The following MSRA variants were observed in gnomAD, a reference collection of about 807,000 sequenced individuals.
The protein encoded by MSRA is methionine sulfoxide reductase A.
A neutral mutation model predicts 31.3 loss-of-function variants in MSRA; 54 were observed. The observed-to-expected ratio is 1.73, with a 90% CI of 1.39 to 2.17. The LOEUF (loss-of-function observed/expected upper bound fraction) is 2.17. Among genes scored for constraint, MSRA ranks in the 30% most tolerant of loss-of-function variants. The pLI, the probability that MSRA is intolerant of heterozygous loss-of-function variation, is 0.00. For missense variants in MSRA, 507 were observed against 300.9 expected (o/e 1.69, Z -5.07); for synonymous variants, 169 against 116.5 (o/e 1.45, Z -2.90).
At chr8:10,137,816 T>TATATAG (rs1802399581) in intron 1 of MSRA, among the ~76,000 whole-genome samples, 1 of 152,188 alleles carries the variant, frequency 6.6e-6, no homozygotes, top group East Asian at 1.9e-4. Flanking sequence ...ATACGTTAAT[T>TATATAG]ATATAGCTAT....
chr8:10,196,637 C>T (rs1205010316), intron 1 of MSRA, among the ~76,000 whole-genome samples: 1 of 152,142 alleles, frequency 6.6e-6, no homozygotes, highest in Non-Finnish European at 1.5e-5. Context: ...GCAACCTCTG[C>T]CTCCTGGCTT....
At chr8:10,179,955 G>T (rs1444874265) in intron 1 of MSRA, among the ~76,000 whole-genome samples, 1 of 152,138 alleles carries the variant, frequency 6.6e-6, no homozygotes, top group Non-Finnish European at 1.5e-5. Context: ...GACACCAACT[G>T]TATAGATTTT....
chr8:10,187,475 A>G (rs1037344544), intron 1 of MSRA, among the ~76,000 whole-genome samples: 19 of 152,218 alleles, frequency 1.2e-4, no homozygotes, highest in Non-Finnish European at 1.5e-4. Flanking sequence ...TGCAGCAGCT[A>G]GAGTACTGTG....
intron 1 of MSRA, among the ~76,000 whole-genome samples, chr8:10,125,976 C>T (rs768345432): frequency 1.1e-4 from 17 of 152,244 alleles, no homozygotes; most frequent in Admixed American, 3.3e-4. Flanking sequence ...TCAAAGGCAC[C>T]GAATGTCAGA....
intron 5 of MSRA, among the ~76,000 whole-genome samples, chr8:10,390,660 G>A (rs2129179293): frequency 6.6e-6 from 1 of 152,220 alleles, no homozygotes; most frequent in African/African-American, 2.4e-5. Context: ...ACTTTGCACT[G>A]GCCTGCTGGA....
intron 5 of MSRA, among the ~76,000 whole-genome samples, chr8:10,345,477 C>G (rs1332727935): frequency 1.3e-5 from 2 of 152,184 alleles, no homozygotes; most frequent in African/African-American, 2.4e-5. Flanking sequence ...TTATCACCAC[C>G]TGACTTCAGC....
At chr8:10,055,511 A>G (rs1024655566) in intron 1 of MSRA, among the ~76,000 whole-genome samples, 1 of 152,234 alleles carries the variant, frequency 6.6e-6, no homozygotes, top group African/African-American at 2.4e-5. Context: ...CAGCAGCAGC[A>G]TCACCACCTG....
chr8:10,180,346 G>A (rs1260151123), intron 1 of MSRA, among the ~76,000 whole-genome samples: 2 of 152,212 alleles, frequency 1.3e-5, no homozygotes, highest in Admixed American at 6.5e-5. Context: ...GCCCTTTGGG[G>A]TGCTACCCTC....
intron 1 of MSRA, among the ~76,000 whole-genome samples, chr8:10,072,666 G>T (rs949755741): frequency 2.0e-5 from 3 of 152,214 alleles, no homozygotes; most frequent in African/African-American, 7.2e-5. Flanking sequence ...CTAGGATTTT[G>T]ATAGGAATTG....
At chr8:10,128,143 C>A (rs567470998) in intron 1 of MSRA, among the ~76,000 whole-genome samples, 1 of 151,958 alleles carries the variant, frequency 6.6e-6, no homozygotes, top group Non-Finnish European at 1.5e-5. Flanking sequence ...TTTGGGAGGC[C>A]GAGGCAGGTG....
At chr8:10,305,387 G>A (rs1483939506) in intron 4 of MSRA, among the ~76,000 whole-genome samples, 2 of 149,102 alleles carry the variant, frequency 1.3e-5, no homozygotes, top group Non-Finnish European at 3.0e-5. Flanking sequence ...ACATCTAGAT[G>A]AAGTCCCCAT....
At chr8:10,412,883 G>A (rs1465321558) in intron 5 of MSRA, among the ~76,000 whole-genome samples, 1 of 152,184 alleles carries the variant, frequency 6.6e-6, no homozygotes, top group African/African-American at 2.4e-5. Flanking sequence ...GAGGTGGGGA[G>A]CACAAAGTGG....
intron 5 of MSRA, among the ~76,000 whole-genome samples, chr8:10,386,291 C>G (rs978921536): frequency 6.6e-6 from 1 of 152,164 alleles, no homozygotes; most frequent in African/African-American, 2.4e-5. Flanking sequence ...CCAGACTCTT[C>G]CGCTGTCCCA....
intron 3 of MSRA, among the ~76,000 whole-genome samples, chr8:10,258,542 C>G (rs535556420): frequency 6.6e-6 from 1 of 152,268 alleles, no homozygotes; most frequent in East Asian, 1.9e-4. Context: ...TCCCCTCATG[C>G]GTTAAATAAG....
At chr8:10,217,211 A>C (rs1365853950) in intron 2 of MSRA, among the ~76,000 whole-genome samples, 2 of 152,200 alleles carry the variant, frequency 1.3e-5, no homozygotes, top group Admixed American at 1.3e-4. Context: ...AAATTTTTCA[A>C]GGGTACTTAG....
intron 3 of MSRA, among the ~76,000 whole-genome samples, chr8:10,277,374 G>A (rs949183820): frequency 2.0e-5 from 3 of 152,126 alleles, no homozygotes; most frequent in Non-Finnish European, 4.4e-5. Context: ...TCTCACCAAA[G>A]CGCTGTGTTT....
At chr8:10,414,865 G>A (rs1380165494) in intron 5 of MSRA, among the ~76,000 whole-genome samples, 1 of 152,136 alleles carries the variant, frequency 6.6e-6, no homozygotes, top group Non-Finnish European at 1.5e-5. Flanking sequence ...ATATGAAAAA[G>A]CAGATTATAA....
At chr8:10,170,075 CAG>C (rs1805469796) in intron 1 of MSRA, among the ~76,000 whole-genome samples, 1 of 127,360 alleles carries the variant, frequency 7.9e-6, no homozygotes, top group African/African-American at 3.1e-5. Context: ...TAAGTAGAGA[CAG>C]GGTTTCACCA....
chr8:10,054,461 G>A lies in MSRA; in HGVS notation c.-56G>A. On this transcript the variant is annotated 5_prime_UTR_variant, in exon 1 of 6. Coordinates refer to ENST00000317173, the MANE Select transcript of MSRA (RefSeq NM_012331.5). ...CCCCACTCTCTGCCGTTCCGGCTGCGGCTCCGCTGCCGGTAGCGCCGTCCC... is the reference window on the plus strand; with the variant it reads ...CCCCACTCTCTGCCGTTCCGGCTGCAGCTCCGCTGCCGGTAGCGCCGTCCC... 1 of 1,511,112 alleles carries A rather than the reference G, an allele frequency of 6.6e-7. No individual in the cohort carries two copies. The highest frequency in any genetic ancestry group is 8.9e-7 in the Non-Finnish European group (1 of 1,126,450). 93.6% of individuals were successfully genotyped at this position (1,511,112 alleles called of 1,614,324 possible).
Sources: gnomAD v4.1 joint callset for allele counts (sites outside exome capture counted in the v4.1 genomes callset) on GRCh38, gnomAD v4.1.1 for gene constraint, MANE v1.5 for transcripts, NCBI Gene and HGNC (gene_info 2026-07-23, HGNC 2026-07-21) for gene names.